TJP1: variants seen among roughly 807,000 people sequenced by gnomAD.
The protein encoded by TJP1 is tight junction protein ZO-1.
In TJP1, 43 loss-of-function variants were observed where a neutral mutation model predicts 194.2. That is an observed-to-expected ratio of 0.22 (90% CI 0.17 to 0.29). The LOEUF (loss-of-function observed/expected upper bound fraction) is 0.29, where lower values mean the gene tolerates loss of function less well. Among genes scored for constraint, TJP1 ranks in the 10% least tolerant of loss-of-function variants. TJP1 has a pLI of 1.00. For missense variants in TJP1, 1,971 were observed against 2,185.7 expected (o/e 0.90, Z 1.96); for synonymous variants, 801 against 779.0 (o/e 1.03, Z -0.47).
chr15:29,898,435 A>C (rs893680651), intron 2 of TJP1, among the ~76,000 whole-genome samples: 1 of 152,324 alleles, frequency 6.6e-6, no homozygotes, highest in Middle Eastern at 3.4e-3. Flanking sequence ...CGAATACAAC[A>C]AACATTCAAA....
At chr15:29,714,692 C>A (rs767820037) in intron 23 of TJP1, among the ~76,000 whole-genome samples, 1 of 150,932 alleles carries the variant, frequency 6.6e-6, no homozygotes, top group Non-Finnish European at 1.5e-5. Context: ...AGGAGCCCGC[C>A]ACCACGCCCC....
intron 2 of TJP1, among the ~76,000 whole-genome samples, chr15:29,887,367 C>G (rs2053153219): frequency 6.6e-6 from 1 of 151,462 alleles, no homozygotes; most frequent in South Asian, 2.1e-4. Flanking sequence ...AATGCGCAAT[C>G]TCGGCTCACT....
At chr15:29,778,914 G>T (rs1552077) in intron 2 of TJP1, among the ~76,000 whole-genome samples, 115,171 of 152,006 alleles carry the variant, frequency 0.76, 44,551 homozygotes, top group East Asian at 0.86. Context: ...AGCACAAGTA[G>T]CCTCGGTTAG....
rs1491131183 is a variant in TJP1 at position 29,748,958 on chromosome 15, G to GCA, written c.1011-6178_1011-6177insTG. On this transcript the variant is annotated intron_variant, in intron 8 of 27. Transcript: ENST00000614355. Reference sequence around the variant, plus strand: ...TGTGTGTGTGTGTGTGTGTGTGCGCGTGTGTGCGCGCGCGCGTTTGCTATT... The same window carrying GCA: ...TGTGTGTGTGTGTGTGTGTGTGCGCGCATGTGTGCGCGCGCGCGTTTGCTATT... Among the ~76,000 whole-genome samples the GCA allele has an allele frequency of 0.021, 542 of 26,386 alleles. 15 individuals are homozygous for GCA. The East Asian group carries it at 0.31, about 15-fold the overall frequency. The allele number at this position is 26,386 out of a possible 152,430, so 17.3% of individuals were successfully genotyped here. A position where few individuals can be genotyped will look rare whatever the true frequency, so the allele number is the denominator to read the frequency against.
chr15:29,765,934 C>T (rs989977547), intron 5 of TJP1, among the ~76,000 whole-genome samples: 7 of 152,144 alleles, frequency 4.6e-5, no homozygotes, highest in Admixed American at 2.0e-4. Flanking sequence ...CAAGATTTCT[C>T]TCCATGATTA....
intron 2 of TJP1, among the ~76,000 whole-genome samples, chr15:29,913,210 T>A: frequency 6.6e-6 from 1 of 151,682 alleles, no homozygotes. Flanking sequence ...GGGGGTAGAA[T>A]ACGGAGGACT....
intron 26 of TJP1, among the ~76,000 whole-genome samples, chr15:29,704,986 T>C (rs2041803018): frequency 6.6e-6 from 1 of 152,240 alleles, no homozygotes; most frequent in Admixed American, 6.5e-5. Flanking sequence ...CGTTATAATA[T>C]CCTGGTAGAT....
chr15:29,932,104 C>T (rs745698964), intron 2 of TJP1, among the ~76,000 whole-genome samples: 1 of 152,162 alleles, frequency 6.6e-6, no homozygotes, highest in African/African-American at 2.4e-5. Context: ...GTGCTGTCTC[C>T]TGTCTCATCC....
At chr15:29,937,315 G>A (rs1314424604) in intron 2 of TJP1, among the ~76,000 whole-genome samples, 1 of 152,114 alleles carries the variant, frequency 6.6e-6, no homozygotes, top group Non-Finnish European at 1.5e-5. Context: ...GCTTACAAAT[G>A]TATTGGTTTC....
At chr15:29,752,919 C>T (rs748720524) in intron 8 of TJP1, among the ~76,000 whole-genome samples, 22 of 152,080 alleles carry the variant, frequency 1.4e-4, no homozygotes, top group Non-Finnish European at 2.9e-4. Flanking sequence ...GTTTCCATCT[C>T]AGGAGCAGTA....
chr15:29,706,525 T>C (rs2041909983), intron 25 of TJP1, among the ~76,000 whole-genome samples: 1 of 152,084 alleles, frequency 6.6e-6, no homozygotes, highest in African/African-American at 2.4e-5. Context: ...ACCCAAGATA[T>C]GAGACACTTC....
chr15:29,817,193 A>G (rs1420876060), intron 1 of TJP1, among the ~76,000 whole-genome samples: 1 of 152,258 alleles, frequency 6.6e-6, no homozygotes, highest in Non-Finnish European at 1.5e-5. Context: ...CTGCCAAAAA[A>G]AAGGAGGTAT....
At chr15:29,863,187 T>C (rs1455236555) in intron 2 of TJP1, among the ~76,000 whole-genome samples, 1 of 151,698 alleles carries the variant, frequency 6.6e-6, no homozygotes. Flanking sequence ...TCCCAGCCAC[T>C]TGGGAGGCTG....
intron 15 of TJP1, chr15:29,730,845 C>G (rs2043594388): frequency 1.8e-6 from 2 of 1,083,026 alleles, no homozygotes; most frequent in African/African-American, 1.5e-5. Flanking sequence ...TAAAAAGGCC[C>G]CTGCAAAGAA....
intron 2 of TJP1, among the ~76,000 whole-genome samples, chr15:29,909,338 C>CAAAAAA (rs11353216): frequency 6.4e-5 from 6 of 93,664 alleles, no homozygotes; most frequent in Non-Finnish European, 1.0e-4. Context: ...ACTTCATCTC[C>CAAAAAA]AAAAAAAAAA....
At chr15:29,958,056 T>C (rs536321048) in intron 1 of TJP1, among the ~76,000 whole-genome samples, 1 of 152,352 alleles carries the variant, frequency 6.6e-6, no homozygotes, top group East Asian at 1.9e-4. Context: ...CTATGTCTTT[T>C]AGTTTTTGCT....
rs368874467 is a variant in TJP1 at position 29,914,678 on chromosome 15, G to A, written c.306+41554C>T. 5.9e-5 allele frequency among the ~76,000 whole-genome samples: 9 copies of A among 152,212 alleles called. No individual in the cohort carries two copies. In the East Asian group the frequency reaches 1.5e-3, roughly 26 times the overall value. ...GGGAGTCGAGAGGGCTGAGAAGACA[G>A]ACCTCCGGGGAGAGTATCTGAGGCT... On this transcript the variant is annotated intron_variant, in intron 2 of 28. Coordinates refer to the TJP1 transcript ENST00000356107.
rs201825173 is a variant in TJP1, at chr15:29,761,993, CTTT to C, written c.694-227_694-225del. On this transcript the variant is annotated intron_variant, in intron 6 of 27. Coordinates refer to ENST00000614355, the MANE Select transcript of TJP1 (RefSeq NM_001330239.4). ...CCATAGTAGCATCCCCTAACTCCTT[CTTT>C]GAGGCTGTCACTTTCTATTACTTAT... Among the ~76,000 whole-genome samples, 545 of 152,276 alleles carry C rather than the reference CTTT, an allele frequency of 3.6e-3. 7 individuals carry two copies. Among genetic ancestry groups the C allele is most frequent in the East Asian group, 1.2e-3 (6 of 5,184 alleles).
chr15:29,920,176 G>A (rs4779677), intron 2 of TJP1, among the ~76,000 whole-genome samples: 24,416 of 152,146 alleles, frequency 0.16, 2,269 homozygotes, highest in East Asian at 0.34. Context: ...ACTCTCACTG[G>A]GGCCTGCTTC....
Sources: gnomAD v4.1 joint callset for allele counts (sites outside exome capture counted in the v4.1 genomes callset) on GRCh38, gnomAD v4.1.1 for gene constraint, MANE v1.5 for transcripts, NCBI Gene and HGNC (gene_info 2026-07-23, HGNC 2026-07-21) for gene names.